Variants in SESN1 observed in about 807,000 individuals in gnomAD.
SESN1 encodes the protein sestrin 1, also known as sestrin-1.
In SESN1, 30 loss-of-function variants were observed where a neutral mutation model predicts 59.3. The ratio of observed to expected loss-of-function variants is 0.51; its 90% CI spans 0.38 to 0.69. The LOEUF is 0.69. Ranked by LOEUF, SESN1 falls within the 30% of genes least tolerant of loss-of-function variation. The probability of loss-of-function intolerance (pLI) is 0.00; values close to 1 mark genes in which losing one functional copy is unlikely to be tolerated. For missense variants in SESN1, 566 were observed against 673.0 expected (o/e 0.84, Z 1.76); for synonymous variants, 197 against 219.9 (o/e 0.90, Z 0.92).
At chr6:109,036,039 C>T (rs567576346) in intron 1 of SESN1, among the ~76,000 whole-genome samples, 2 of 152,274 alleles carry the variant, frequency 1.3e-5, no homozygotes, top group South Asian at 4.2e-4. Flanking sequence ...CCTCAAGACT[C>T]CCCACCATTC....
At chr6:109,040,581 T>C (rs1780323097) in intron 1 of SESN1, among the ~76,000 whole-genome samples, 2 of 152,192 alleles carry the variant, frequency 1.3e-5, no homozygotes, top group South Asian at 2.1e-4. Context: ...ACAGGAATTC[T>C]TGGTGTCGCT....
chr6:109,002,399 G>C, intron 1 of SESN1, 56 bp from the exon 2 acceptor site: 1 of 1,414,038 alleles, frequency 7.1e-7, no homozygotes, highest in Non-Finnish European at 1.0e-6. Context: ...AATGAACTGA[G>C]GCTAAAGGAA....
chr6:109,045,085 T>C (rs1009394410), intron 1 of SESN1, among the ~76,000 whole-genome samples: 2 of 151,962 alleles, frequency 1.3e-5, no homozygotes, highest in Non-Finnish European at 2.9e-5. Flanking sequence ...TACCACCTCT[T>C]ATATTCCCTA....
chr6:109,051,776 C>T (rs1182780514), intron 1 of SESN1, among the ~76,000 whole-genome samples: 5 of 152,114 alleles, frequency 3.3e-5, no homozygotes, highest in Non-Finnish European at 5.9e-5. Context: ...GCTGGAAAGT[C>T]CAGGGTCAAG....
At chr6:109,015,691 C>T (rs904357621) in intron 1 of SESN1, among the ~76,000 whole-genome samples, 5 of 151,938 alleles carry the variant, frequency 3.3e-5, no homozygotes, top group African/African-American at 1.2e-4. Context: ...GGGAAATGGA[C>T]GGTTAGGACT....
chr6:108,987,777 G>T (rs879138783), intron 9 of SESN1, 147 bp from the exon 10 acceptor site: 11 of 407,036 alleles, frequency 2.7e-5, no homozygotes, highest in Non-Finnish European at 3.1e-5. Context: ...TTGTTGAACA[G>T]ATTATAAATT....
At chr6:109,041,618 T>A (rs1780344465) in intron 1 of SESN1, among the ~76,000 whole-genome samples, 1 of 152,076 alleles carries the variant, frequency 6.6e-6, no homozygotes, top group Non-Finnish European at 1.5e-5. Flanking sequence ...ACATTATATA[T>A]CATGATAAAA....
At chr6:109,062,387 T>C (rs1780747686) in intron 1 of SESN1, among the ~76,000 whole-genome samples, 1 of 152,126 alleles carries the variant, frequency 6.6e-6, no homozygotes, top group Non-Finnish European at 1.5e-5. Context: ...GAAGAGCACA[T>C]TGCAAGATGA....
At chr6:109,035,235 T>C (rs1022337941) in intron 1 of SESN1, among the ~76,000 whole-genome samples, 1 of 152,150 alleles carries the variant, frequency 6.6e-6, no homozygotes, top group Non-Finnish European at 1.5e-5. Context: ...CAGCATTCAT[T>C]TGTTCATTAC....
At chr6:109,064,720 AAGGG>A (rs1218787385) in intron 1 of SESN1, among the ~76,000 whole-genome samples, 4 of 73,778 alleles carry the variant, frequency 5.4e-5, no homozygotes, top group African/African-American at 2.3e-4. Flanking sequence ...TGAAGGAAGG[AAGGG>A]AGGGAGGGAG....
At chr6:109,052,965 T>C (rs910638991) in intron 1 of SESN1, among the ~76,000 whole-genome samples, 8 of 152,100 alleles carry the variant, frequency 5.3e-5, no homozygotes, top group South Asian at 4.1e-4. Flanking sequence ...AATAAAGTAA[T>C]TGAAAGTTGT....
rs141100377 is a variant in SESN1 at position 108,988,650 on chromosome 6, A to G, written c.1462T>C (p.Leu488=). ...ATATAAACTTTAAAGCTACGATCCA[A>G]TAGCTGGTTAATTTCACCATAGTCA... ...DYDYGEINQL[L]DRSFKVYIKT... Residue 488 remains leucine (L), a synonymous_variant, in exon 9 of 10, where the codon TTG becomes CTG. Transcript: ENST00000436639. 15 of 1,610,474 alleles carry G rather than the reference A, an allele frequency of 9.3e-6. No individual in the cohort carries two copies. Among genetic ancestry groups the G allele is most frequent in the Non-Finnish European group, 1.3e-5 (15 of 1,178,146 alleles).
intron 1 of SESN1, among the ~76,000 whole-genome samples, chr6:109,052,329 T>C (rs999593692): frequency 2.0e-5 from 3 of 152,184 alleles, no homozygotes; most frequent in African/African-American, 7.2e-5. Flanking sequence ...TATAAAGCAA[T>C]GTTTTACTGT....
chr6:109,012,617 C>T (rs548520862), intron 1 of SESN1, among the ~76,000 whole-genome samples: 1 of 152,224 alleles, frequency 6.6e-6, no homozygotes, highest in South Asian at 2.1e-4. Context: ...ACCTGAGCTA[C>T]AGCTTAGAGT....
At position 109,020,162 on chromosome 6, in the gene SESN1, C is replaced by T. The variant is rs556730306; in HGVS notation, c.280-17819G>A. Reference sequence around the variant, plus strand: ...GTAAGGACTCAACTGCTCCAGATACCGGTGAGGCCTAAGCTTCTTCTTTTT... The same window carrying T: ...GTAAGGACTCAACTGCTCCAGATACTGGTGAGGCCTAAGCTTCTTCTTTTT... On this transcript the variant is annotated intron_variant, in intron 1 of 9. Transcript: ENST00000436639. Among the ~76,000 whole-genome samples, 6 of 152,248 alleles carry T rather than the reference C, an allele frequency of 3.9e-5. No homozygotes were observed. In the South Asian group the frequency reaches 6.2e-4, roughly 16 times the overall value.
At chr6:109,054,964 G>A (rs752300802) in intron 1 of SESN1, among the ~76,000 whole-genome samples, 5 of 152,172 alleles carry the variant, frequency 3.3e-5, no homozygotes, top group Non-Finnish European at 5.9e-5. Flanking sequence ...TTGTTAGTAT[G>A]AGGTAGGTCC....
intron 4 of SESN1, chr6:109,000,022 G>A (rs1779580180): frequency 6.6e-6 from 1 of 152,262 alleles, no homozygotes; most frequent in Non-Finnish European, 1.5e-5. Context: ...CTAGATGAAA[G>A]AAGCCAGTCT....
In SESN1 at chr6:109,033,670, G is replaced by C. The variant is rs1370724882; in HGVS notation, c.280-31327C>G. On this transcript the variant is annotated intron_variant, in intron 1 of 9. Coordinates refer to ENST00000436639, the MANE Select transcript of SESN1 (RefSeq NM_014454.3). Reference sequence around the variant, plus strand: ...AGATTTTCATTTGTAAAATGGGAGGGGCCATAATTCATAGGACAGTTCTAA... The same window carrying C: ...AGATTTTCATTTGTAAAATGGGAGGCGCCATAATTCATAGGACAGTTCTAA... 2.6e-5 allele frequency among the ~76,000 whole-genome samples: 4 copies of C among 151,894 alleles called. No individual in the cohort carries two copies. In the East Asian group the frequency reaches 7.7e-4, roughly 29 times the overall value.
intron 1 of SESN1, among the ~76,000 whole-genome samples, chr6:109,082,867 A>G (rs552611620): frequency 2.0e-5 from 3 of 152,352 alleles, no homozygotes; most frequent in African/African-American, 4.8e-5. Flanking sequence ...GGCAGTTTCA[A>G]GTTTGACTCA....
Sources: gnomAD v4.1 joint callset for allele counts (sites outside exome capture counted in the v4.1 genomes callset) on GRCh38, gnomAD v4.1.1 for gene constraint, MANE v1.5 for transcripts, NCBI Gene and HGNC (gene_info 2026-07-23, HGNC 2026-07-21) for gene names.